GRIA1: variants seen among roughly 807,000 people sequenced by gnomAD.
GRIA1 encodes glutamate receptor 1.
In GRIA1, 31 loss-of-function variants were observed where a neutral mutation model predicts 99.2. The observed-to-expected ratio is 0.31, with a 90% CI of 0.23 to 0.42. GRIA1 has a LOEUF of 0.42. GRIA1 is among the 10% of genes least tolerant of loss of function. GRIA1 has a pLI of 1.00. For synonymous variants in GRIA1, 438 were observed against 432.4 expected (o/e 1.01, Z -0.16); for missense variants, 782 against 1,157.5 (o/e 0.68, Z 4.71).
In GRIA1 at chr5:153,556,476, G is replaced by T. The variant is rs1028233172; in HGVS notation, c.220+62411G>T. Among the ~76,000 whole-genome samples the T allele has an allele frequency of 1.7e-4, 26 of 152,290 alleles. No individual in the cohort carries two copies. In the East Asian group the frequency reaches 2.5e-3, roughly 15 times the overall value. ...AGTTGCTGGGAGTTTTTCCAAGGCA[G>T]TAAGTCTCATTTTTCTTATTAGTTT... is the stretch of plus-strand genomic sequence containing the variant. On this transcript the variant is annotated intron_variant, in intron 2 of 15. Coordinates refer to ENST00000285900, the MANE Select transcript of GRIA1 (RefSeq NM_000827.4).
intron 2 of GRIA1, among the ~76,000 whole-genome samples, chr5:153,539,431 A>T (rs1009294605): frequency 2.0e-5 from 3 of 152,250 alleles, no homozygotes; most frequent in African/African-American, 7.2e-5. Context: ...AATAAAAGGA[A>T]ATTTAAAATG....
At chr5:153,634,559 C>T (rs1753216201) in intron 2 of GRIA1, among the ~76,000 whole-genome samples, 1 of 152,012 alleles carries the variant, frequency 6.6e-6, no homozygotes, top group Admixed American at 6.6e-5. Context: ...GGCCTGGAAG[C>T]AGATGTGGTG....
At chr5:153,635,574 G>A (rs1753288307) in intron 2 of GRIA1, among the ~76,000 whole-genome samples, 1 of 152,166 alleles carries the variant, frequency 6.6e-6, no homozygotes, top group Admixed American at 6.5e-5. Context: ...GCCTTGGACT[G>A]TAGCCTTTAC....
intron 3 of GRIA1, among the ~76,000 whole-genome samples, chr5:153,649,756 C>G (rs1301282374): frequency 6.6e-6 from 1 of 152,160 alleles, no homozygotes; most frequent in African/African-American, 2.4e-5. Flanking sequence ...GCCACTGGGC[C>G]TGGCCTGCCA....
At chr5:153,646,828 T>G in intron 2 of GRIA1, 100 bp from the exon 3 acceptor site, 1 of 1,296,114 alleles carries the variant, frequency 7.7e-7, no homozygotes, top group Non-Finnish European at 1.1e-6. Context: ...GGGTGGATAA[T>G]TGATGGGTTG....
intron 11 of GRIA1, among the ~76,000 whole-genome samples, chr5:153,741,078 G>A (rs1003573550): frequency 4.3e-5 from 6 of 140,048 alleles, no homozygotes; most frequent in Admixed American, 1.6e-4. Flanking sequence ...CTAGGTTCAC[G>A]CCATTCTCCT....
chr5:153,623,397 C>A (rs774575428), intron 2 of GRIA1, among the ~76,000 whole-genome samples: 2 of 152,120 alleles, frequency 1.3e-5, no homozygotes, highest in African/African-American at 2.4e-5. Context: ...CTTCAAGGAA[C>A]CTTAGAGCTC....
chr5:153,704,798 G>A (rs1275764073), intron 10 of GRIA1, among the ~76,000 whole-genome samples: 3 of 152,134 alleles, frequency 2.0e-5, no homozygotes, highest in South Asian at 4.2e-4. Flanking sequence ...ATCCCTCCCT[G>A]GTCTCTGGCA....
chr5:153,770,458 C>A, intron 13 of GRIA1, 43 bp downstream of exon 13: 1 of 1,579,668 alleles, frequency 6.3e-7, no homozygotes. Context: ...CCTCTCCCCT[C>A]CCTATCTCAG....
rs114254732 is a variant in GRIA1, at chr5:153,600,509, A to G, written c.221-46419A>G. The stretch of plus-strand genomic sequence containing the variant: ...TTTAGGAAAGAAATAGCGCTTTTCC[A>G]CCCAGGTTTTTGACTGTGGAAAGTC... On this transcript the variant is annotated intron_variant, in intron 2 of 15. Coordinates refer to ENST00000285900, the MANE Select transcript of GRIA1 (RefSeq NM_000827.4). 4.7e-3 allele frequency among the ~76,000 whole-genome samples: 718 copies of G among 151,312 alleles called. 2 individuals carry two copies. The highest frequency in any genetic ancestry group is 0.016 in the African/African-American group (679 of 41,178).
intron 2 of GRIA1, among the ~76,000 whole-genome samples, chr5:153,563,112 GT>G: frequency 1.3e-5 from 2 of 151,384 alleles, no homozygotes; most frequent in African/African-American, 4.8e-5. Flanking sequence ...GGAGGCAGAG[GT>G]TGTAGTGAGC....
intron 11 of GRIA1, among the ~76,000 whole-genome samples, chr5:153,738,335 G>A (rs1761535937): frequency 1.3e-5 from 2 of 152,290 alleles, no homozygotes; most frequent in South Asian, 4.1e-4. Flanking sequence ...GACAAGAGTA[G>A]GGAAAGGGTA....
At chr5:153,754,985 G>A (rs1581601099) in intron 11 of GRIA1, among the ~76,000 whole-genome samples, 2 of 152,190 alleles carry the variant, frequency 1.3e-5, no homozygotes, top group East Asian at 3.9e-4. Context: ...TAATGATTAG[G>A]ATGAGGTCTG....
intron 2 of GRIA1, among the ~76,000 whole-genome samples, chr5:153,581,633 G>T (rs1162477590): frequency 6.6e-6 from 1 of 151,860 alleles, no homozygotes; most frequent in Non-Finnish European, 1.5e-5. Flanking sequence ...CTTCCCCTTT[G>T]GCCCCACTCC....
intron 2 of GRIA1, among the ~76,000 whole-genome samples, chr5:153,502,654 A>G (rs979478685): frequency 3.3e-5 from 5 of 152,200 alleles, no homozygotes; most frequent in Non-Finnish European, 5.9e-5. Flanking sequence ...CCTGCTGTCC[A>G]GAAAGCACAG....
chr5:153,702,951 T>C (rs1758636530), intron 10 of GRIA1, among the ~76,000 whole-genome samples: 3 of 152,318 alleles, frequency 2.0e-5, no homozygotes, highest in Admixed American at 6.5e-5. Context: ...ACTGTTTCTT[T>C]TGAGGCTACA....
intron 4 of GRIA1, among the ~76,000 whole-genome samples, chr5:153,653,893 G>A (rs181015122): frequency 1.4e-4 from 22 of 152,264 alleles, no homozygotes; most frequent in African/African-American, 4.8e-4. Context: ...TTAAGGATAC[G>A]AACAATCAGA....
At chr5:153,612,915 C>T (rs944182277) in intron 2 of GRIA1, among the ~76,000 whole-genome samples, 2 of 150,650 alleles carry the variant, frequency 1.3e-5, no homozygotes. Context: ...TAGGCTCACT[C>T]AGCTGGAAAA....
At chr5:153,767,161 T>A (rs954629123) in intron 12 of GRIA1, among the ~76,000 whole-genome samples, 6 of 152,158 alleles carry the variant, frequency 3.9e-5, no homozygotes, top group Admixed American at 3.3e-4. Context: ...AAAAAAGGCA[T>A]AATTATTAGT....
Sources: allele counts gnomAD v4.1 joint callset (sites outside exome capture counted in the v4.1 genomes callset), GRCh38; gene constraint gnomAD v4.1.1; transcripts MANE v1.5; gene names NCBI Gene and HGNC (gene_info 2026-07-23, HGNC 2026-07-21).